The following ZDHHC15 variants were observed in gnomAD, a reference collection of about 807,000 sequenced individuals.
ZDHHC15 encodes the protein zDHHC palmitoyltransferase 15.
In ZDHHC15, 19 loss-of-function variants were observed where a neutral mutation model predicts 31.7. That is an observed-to-expected ratio of 0.60 (90% confidence interval 0.42 to 0.88). ZDHHC15 has a LOEUF of 0.88. Among genes scored for constraint, ZDHHC15 ranks in the 40% least tolerant of loss-of-function variants. ZDHHC15 has a pLI of 0.00. For missense variants in ZDHHC15, 209 were observed against 251.2 expected, an observed-to-expected ratio of 0.83 and a Z score of 1.14; for synonymous variants, 103 against 90.0, an observed-to-expected ratio of 1.14 and a Z score of -0.82.
intron 2 of ZDHHC15, among the ~76,000 whole-genome samples, chrX:75,484,120 C>T (rs2084739059): frequency 9.0e-6 from 1 of 111,707 alleles, no homozygotes; most frequent in South Asian, 3.7e-4. Flanking sequence ...GTACATTATC[C>T]CTAATAATTG....
chrX:75,438,037 A>G (rs1419308608), intron 4 of ZDHHC15, among the ~76,000 whole-genome samples: 1 of 112,197 alleles, frequency 8.9e-6, no homozygotes, highest in Non-Finnish European at 1.9e-5. Flanking sequence ...AATGCTCACC[A>G]TCACTGGCCA....
chrX:75,378,602 G>A (rs2083082559), intron 11 of ZDHHC15, among the ~76,000 whole-genome samples: 1 of 111,575 alleles, frequency 9.0e-6, no homozygotes, highest in African/African-American at 3.3e-5. Flanking sequence ...GAAGGTCGTC[G>A]AGCTTTTCAC....
At chrX:75,510,538 T>G (rs1189226270) in intron 1 of ZDHHC15, among the ~76,000 whole-genome samples, 1 of 105,155 alleles carries the variant, frequency 9.5e-6, no homozygotes, top group Non-Finnish European at 1.9e-5. Context: ...AATTTCTTTT[T>G]TTTTTTTTAT....
At chrX:75,459,298 C>T in intron 3 of ZDHHC15, among the ~76,000 whole-genome samples, 1 of 111,497 alleles carries the variant, frequency 9.0e-6, no homozygotes, top group Non-Finnish European at 1.9e-5. Flanking sequence ...GGGAGTCAAG[C>T]AGTGTCATTC....
chrX:75,478,648 G>T (rs1186139986), intron 3 of ZDHHC15, among the ~76,000 whole-genome samples: 1 of 111,325 alleles, frequency 9.0e-6, no homozygotes, highest in Non-Finnish European at 1.9e-5. Flanking sequence ...AAAATTGTTG[G>T]GAATACAGGT....
At chrX:75,515,822 T>C (rs537209024) in intron 1 of ZDHHC15, among the ~76,000 whole-genome samples, 1 of 111,990 alleles carries the variant, frequency 8.9e-6, no homozygotes, top group African/African-American at 3.2e-5. Context: ...TATGATTGTA[T>C]ATTTAGAAAA....
chrX:75,511,548 G>C (rs1471032037), intron 1 of ZDHHC15, among the ~76,000 whole-genome samples: 1 of 83,481 alleles, frequency 1.2e-5, no homozygotes, highest in East Asian at 4.1e-4. Flanking sequence ...TCTGATGGTA[G>C]TTTCTTTTGC....
At chrX:75,395,886 C>T (rs776454980) in intron 10 of ZDHHC15, among the ~76,000 whole-genome samples, 1 of 111,933 alleles carries the variant, frequency 8.9e-6, no homozygotes, top group Non-Finnish European at 1.9e-5. Flanking sequence ...CAAGAATACT[C>T]ACTGGGAAAA....
chrX:75,453,983 C>T (rs1330683150), intron 3 of ZDHHC15, among the ~76,000 whole-genome samples: 1 of 111,579 alleles, frequency 9.0e-6, no homozygotes, highest in South Asian at 3.8e-4. Flanking sequence ...TGGCACAAGA[C>T]AGGGATGCCC....
Position 75,407,136 on chromosome X carries a change from G to A in ZDHHC15, c.967+9951C>T, listed in dbSNP as rs193076092. On this transcript the variant is annotated intron_variant, in intron 10 of 11. Coordinates refer to ENST00000373367, the MANE Select transcript of ZDHHC15 (RefSeq NM_144969.3). ...TGGGAAGTGAGGAGCGTCTCTGCCC[G>A]GCTGCCCATCGTCTGAGATGTGGGG... is the stretch of plus-strand genomic sequence containing the variant. Among the ~76,000 whole-genome samples, 324 of 111,661 alleles carry A rather than the reference G, an allele frequency of 2.9e-3. 1 individual carries two copies. The highest frequency in any genetic ancestry group is 4.7e-3 in the Non-Finnish European group (250 of 53,010).
intron 1 of ZDHHC15, among the ~76,000 whole-genome samples, chrX:75,517,673 C>T (rs2085379934): frequency 9.2e-6 from 1 of 108,146 alleles, no homozygotes; most frequent in East Asian, 2.9e-4. Context: ...ACCAACATGG[C>T]ACATGTATAC....
intron 10 of ZDHHC15, chrX:75,384,682 G>C: frequency 1.2e-6 from 1 of 825,697 alleles, no homozygotes; most frequent in Non-Finnish European, 1.8e-6. Flanking sequence ...GAATGAAAAT[G>C]ATCAGAGAAA....
intron 3 of ZDHHC15, among the ~76,000 whole-genome samples, chrX:75,472,807 C>T (rs772028712): frequency 8.0e-5 from 9 of 112,058 alleles, no homozygotes; most frequent in Non-Finnish European, 1.3e-4. Flanking sequence ...CACGGTCGAC[C>T]TGGCTATGGC....
chrX:75,516,770 A>C, intron 1 of ZDHHC15, among the ~76,000 whole-genome samples: 1 of 112,197 alleles, frequency 8.9e-6, no homozygotes, highest in East Asian at 2.8e-4. Flanking sequence ...TCTGCACAGC[A>C]AAAGAAACTA....
chrX:75,401,782 A>T (rs1157280411), intron 10 of ZDHHC15, among the ~76,000 whole-genome samples: 2 of 112,217 alleles, frequency 1.8e-5, no homozygotes, highest in Admixed American at 1.9e-4. Context: ...GTCCCACACA[A>T]TAATAGTGGG....
At chrX:75,439,667 AT>A (rs1244045212) in intron 4 of ZDHHC15, among the ~76,000 whole-genome samples, 1 of 111,797 alleles carries the variant, frequency 8.9e-6, no homozygotes, top group Non-Finnish European at 1.9e-5. Context: ...TTTCTGGGCA[AT>A]TCACAGGATT....
At chrX:75,384,022 G>A (rs1291251966) in intron 10 of ZDHHC15, among the ~76,000 whole-genome samples, 3 of 110,357 alleles carry the variant, frequency 2.7e-5, no homozygotes, top group Non-Finnish European at 3.8e-5. Flanking sequence ...GATTACAGGC[G>A]TGAACCACCG....
chrX:75,494,692 C>T (rs1160312327), intron 2 of ZDHHC15, among the ~76,000 whole-genome samples: 1 of 112,329 alleles, frequency 8.9e-6, no homozygotes, highest in Non-Finnish European at 1.9e-5. Context: ...AAAAGATTCC[C>T]TATTTAATAA....
chrX:75,423,085 T>A (rs1447862128), intron 8 of ZDHHC15, among the ~76,000 whole-genome samples: 1 of 106,517 alleles, frequency 9.4e-6, no homozygotes, highest in Non-Finnish European at 1.9e-5. Context: ...CAATCTTAGT[T>A]TACCGCAGCC....
Sources: gnomAD v4.1 joint callset for allele counts (sites outside exome capture counted in the v4.1 genomes callset) on GRCh38, gnomAD v4.1.1 for gene constraint, MANE v1.5 for transcripts, NCBI Gene and HGNC (gene_info 2026-07-23, HGNC 2026-07-21) for gene names.